Variants in SEC31A observed in about 807,000 individuals in gnomAD.
SEC31A encodes SEC31 homolog A, COPII component, also known as protein transport protein Sec31A.
A neutral mutation model predicts 151.0 loss-of-function variants in SEC31A; 70 were observed. That is an observed-to-expected ratio of 0.46 (90% CI 0.38 to 0.57). The LOEUF is 0.57. SEC31A is among the 20% of genes least tolerant of loss of function. The pLI, the probability that SEC31A is intolerant of heterozygous loss-of-function variation, is 0.00. For synonymous variants in SEC31A, 475 were observed against 505.9 expected (o/e 0.94, Z 0.82); for missense variants, 1,330 against 1,471.2 (o/e 0.90, Z 1.57).
At position 82,854,925 on chromosome 4, in the gene SEC31A, C is replaced by T. The variant is rs35581775; in HGVS notation, c.1986G>A (p.Pro662=). Residue 662 remains proline (P), a synonymous_variant, in exon 17 of 27, where the codon CCG becomes CCA. Coordinates refer to ENST00000395310, the MANE Select transcript of SEC31A (RefSeq NM_001077207.4). ...TACCACAAAGGGCTGAAAATTCATC[C>T]GGCTTTGCATAAGTCAATACTGCAG... ...ALAAVLTYAK[P]DEFSALCDLL... is the part of the protein sequence containing the mutation. The T allele has an allele frequency of 6.3e-3, 10,084 of 1,612,358 alleles. 98 individuals carry two copies. The highest frequency in any genetic ancestry group is 0.013 in the Middle Eastern group (76 of 6,058).
At chr4:82,845,468 A>C (rs1431275297) in intron 20 of SEC31A, among the ~76,000 whole-genome samples, 2 of 152,140 alleles carry the variant, frequency 1.3e-5, no homozygotes, top group African/African-American at 4.8e-5. Flanking sequence ...CAAAAAAACA[A>C]AACAAAACAA....
chr4:82,879,031 C>A, intron 3 of SEC31A, 103 bp from the exon 4 acceptor site: 1 of 780,534 alleles, frequency 1.3e-6, no homozygotes, highest in South Asian at 1.8e-5. Flanking sequence ...ATAAACAATC[C>A]AAATATATTA....
intron 22 of SEC31A, among the ~76,000 whole-genome samples, chr4:82,841,467 T>TATATATATATATATACAC (rs1339344582): frequency 9.7e-6 from 1 of 103,596 alleles, no homozygotes; most frequent in Non-Finnish European, 2.0e-5. Context: ...TATATATATA[T>TATATATATATATATACAC]ACACACACAC....
rs563506294 is a variant in SEC31A, at chr4:82,890,016, T to C, written c.-5+1072A>G. On this transcript the variant is annotated intron_variant, in intron 1 of 26. Transcript: ENST00000395310. Reference sequence around the variant, plus strand: ...GCCAACTCGGGCGGATCACTTGAGGTCAGGAGTGCCAGACCAGCCTGACCA... The same window carrying C: ...GCCAACTCGGGCGGATCACTTGAGGCCAGGAGTGCCAGACCAGCCTGACCA... 1.6e-3 allele frequency among the ~76,000 whole-genome samples: 238 copies of C among 151,784 alleles called. 1 individual carries two copies. The highest frequency in any genetic ancestry group is 2.8e-3 in the Non-Finnish European group (189 of 67,924).
At chr4:82,870,445 C>G (rs759298597) in intron 7 of SEC31A, 21 bp from the exon 8 acceptor site, 1 of 1,582,238 alleles carries the variant, frequency 6.3e-7, no homozygotes, top group Non-Finnish European at 8.7e-7. Flanking sequence ...CATAAAGGAA[C>G]AAGGAAATTT....
chr4:82,852,791 G>A (rs1226661229), intron 18 of SEC31A, among the ~76,000 whole-genome samples: 1 of 152,162 alleles, frequency 6.6e-6, no homozygotes, highest in Non-Finnish European at 1.5e-5. Context: ...GGTGTCACAT[G>A]GCAGTGGTCC....
intron 25 of SEC31A, among the ~76,000 whole-genome samples, chr4:82,823,554 T>G (rs1424656408): frequency 6.6e-6 from 1 of 152,246 alleles, no homozygotes; most frequent in Non-Finnish European, 1.5e-5. Flanking sequence ...GAAGATGTTT[T>G]TTCATGCAGA....
chr4:82,882,210 T>TAACATGGTGAGACCCCATCTC (rs1448629544), intron 1 of SEC31A, among the ~76,000 whole-genome samples: 6 of 152,058 alleles, frequency 3.9e-5, no homozygotes, highest in African/African-American at 1.4e-4. Context: ...GAGACCATCC[T>TAACATGGTGAGACCCCATCTC]GGCTAACATG....
At chr4:82,847,406 T>C (rs933942793) in intron 20 of SEC31A, among the ~76,000 whole-genome samples, 3 of 152,270 alleles carry the variant, frequency 2.0e-5, no homozygotes, top group Admixed American at 2.0e-4. Context: ...TTCCTACAAG[T>C]GTAAGATTGG....
chr4:82,850,467 C>T (rs1198279228), intron 19 of SEC31A, among the ~76,000 whole-genome samples: 1 of 151,972 alleles, frequency 6.6e-6, no homozygotes, highest in African/African-American at 2.4e-5. Flanking sequence ...ATATTATGTA[C>T]TTTTACTCAA....
Position 82,829,051 on chromosome 4 carries a change from C to T in SEC31A, c.2976G>A (p.Gln992=). 6.2e-7 allele frequency: 1 copy of T among 1,612,818 alleles called. No individual in the cohort carries two copies. Among genetic ancestry groups the T allele is most frequent in the Non-Finnish European group, 8.5e-7 (1 of 1,178,892 alleles). Residue 992 remains glutamine, a synonymous_variant, in exon 23 of 27, where the codon CAG becomes CAA. Coordinates refer to ENST00000395310, the MANE Select transcript of SEC31A (RefSeq NM_001077207.4). ...AAGCTGGAGGGTCATTCCAACCATT[C>T]TGAGGACCTATAACAGATAACAGAG... is the stretch of plus-strand genomic sequence containing the variant. ...ELPASQRTGP[Q]NGWNDPPALN...
chr4:82,842,386 G>GGTAA lies in SEC31A; in HGVS notation c.2718_2721dup (p.Pro908LeufsTer3). The stretch of plus-strand genomic sequence containing the variant: ...GCAGAAGATATGTAAGGGGTGTTAG[G>GGTAA]GTAAGCGTTTGAAGTAGGAGGAGCA... On this transcript the variant is annotated frameshift_variant, in exon 22 of 27. Coordinates refer to ENST00000395310, the MANE Select transcript of SEC31A (RefSeq NM_001077207.4). LOFTEE classifies it high-confidence loss of function. 1 of 1,613,978 alleles carries GGTAA rather than the reference G, an allele frequency of 6.2e-7. No individual in the cohort carries two copies. The highest frequency in any genetic ancestry group is 8.5e-7 in the Non-Finnish European group (1 of 1,179,984).
intron 21 of SEC31A, 144 bp downstream of exon 21, chr4:82,844,242 G>C: frequency 1.2e-6 from 1 of 821,122 alleles, no homozygotes; most frequent in Non-Finnish European, 1.9e-6. Flanking sequence ...AAAAAAACAT[G>C]TCTCTTTGTA....
rs758519131 is a variant in SEC31A at position 82,867,199 on chromosome 4, T to C, written c.1000A>G (p.Met334Val). 1 of 1,613,986 alleles carries C rather than the reference T, an allele frequency of 6.2e-7. No homozygotes were observed. The highest frequency in any genetic ancestry group is 2.2e-5 in the East Asian group (1 of 44,866). The change falls in exon 9 of 27, where the codon ATG (methionine) becomes GTG (valine). Residue 334 changes from methionine (M) to valine (V), a missense_variant. Coordinates refer to ENST00000395310, the MANE Select transcript of SEC31A (RefSeq NM_001077207.4). ...FDGRISVYSIMGGSTDGLRQK... is the reference protein window; with the variant it reads ...FDGRISVYSIVGGSTDGLRQK... ...CTTAAACCATCTGTGCTACCTCCCA[T>C]GATAGAATAAACACTGATACGCCCA...
chr4:82,824,533 A>G, intron 25 of SEC31A, 22 bp downstream of exon 25: 1 of 1,606,226 alleles, frequency 6.2e-7, no homozygotes, highest in Non-Finnish European at 8.5e-7. Flanking sequence ...GCAAAATATG[A>G]TTTAAAAAAA....
At chr4:82,885,846 A>G (rs982947791) in intron 1 of SEC31A, among the ~76,000 whole-genome samples, 4 of 152,168 alleles carry the variant, frequency 2.6e-5, no homozygotes, top group African/African-American at 7.2e-5. Flanking sequence ...TGCATACTCA[A>G]TGCTCTCCAA....
At chr4:82,882,214 T>C (rs939815533) in intron 1 of SEC31A, among the ~76,000 whole-genome samples, 1 of 151,894 alleles carries the variant, frequency 6.6e-6, no homozygotes, top group Non-Finnish European at 1.5e-5. Flanking sequence ...CCATCCTGGC[T>C]AACATGGTGA....
At position 82,891,137 on chromosome 4, in the gene SEC31A, G is replaced by C. The variant is rs780169358; in HGVS notation, c.-54C>G. The C allele has an allele frequency of 2.4e-5, 37 of 1,535,762 alleles. No homozygotes were observed. Among genetic ancestry groups the C allele is most frequent in the Non-Finnish European group, 3.1e-5 (36 of 1,146,770 alleles). On this transcript the variant is annotated 5_prime_UTR_variant, in exon 1 of 27. Transcript: ENST00000395310. ...ATCCTGCGTTAGTGCAGCGCTCGTC[G>C]GACTCTCCCAGCATTCGCCGCCGCC...
intron 1 of SEC31A, chr4:82,890,695 C>T (rs1309554890): frequency 2.6e-5 from 27 of 1,032,572 alleles, no homozygotes; most frequent in Non-Finnish European, 2.9e-5. Context: ...AAATCCTAAC[C>T]AAAGCCAAAG....
Sources: allele counts gnomAD v4.1 joint callset (sites outside exome capture counted in the v4.1 genomes callset), GRCh38; gene constraint gnomAD v4.1.1; transcripts MANE v1.5; gene names NCBI Gene and HGNC (gene_info 2026-07-23, HGNC 2026-07-21).